SMIM10L3: variants seen among roughly 807,000 people sequenced by gnomAD.
SMIM10L3 encodes small integral membrane protein 10 like 3.
the SMIM10L3 span, among the ~76,000 whole-genome samples, chr7:6,333,772 C>CT: frequency 5.0e-3 from 619 of 125,036 alleles, 3 homozygotes; most frequent in Middle Eastern, 0.013. Context: ...GAACAAGTGT[C>CT]TTTTTTTTTT....
At chr7:6,337,793 CATTA>C in the SMIM10L3 span, among the ~76,000 whole-genome samples, 1 of 142,988 alleles carries the variant, frequency 7.0e-6, no homozygotes, top group South Asian at 2.1e-4. Flanking sequence ...GATTTCAATA[CATTA>C]TTTATTTATT....
chr7:6,332,590 C>A, the SMIM10L3 span, among the ~76,000 whole-genome samples: 5 of 151,822 alleles, frequency 3.3e-5, no homozygotes, highest in Admixed American at 6.6e-5. Context: ...CCCAGATTCT[C>A]AGGAGGCTGA....
chr7:6,337,794 A>ATTATTTATTTAT, the SMIM10L3 span, among the ~76,000 whole-genome samples: 3,453 of 150,548 alleles, frequency 0.023, 75 homozygotes, highest in Middle Eastern at 0.055. Context: ...ATTTCAATAC[A>ATTATTTATTTAT]TTATTTATTT....
the SMIM10L3 span, among the ~76,000 whole-genome samples, chr7:6,340,590 G>A: frequency 1.3e-5 from 2 of 152,184 alleles, no homozygotes; most frequent in Admixed American, 6.6e-5. Flanking sequence ...TCGAAGGAGG[G>A]CAGGTTGACA....
At chr7:6,331,564 T>C in the SMIM10L3 span, among the ~76,000 whole-genome samples, 11 of 152,010 alleles carry the variant, frequency 7.2e-5, no homozygotes, top group Non-Finnish European at 1.5e-4. Context: ...GTATTTTTAA[T>C]AGAGACAAGG....
chr7:6,338,319 G>A, the SMIM10L3 span, among the ~76,000 whole-genome samples: 2 of 152,076 alleles, frequency 1.3e-5, no homozygotes, highest in African/African-American at 2.4e-5. Flanking sequence ...ATGCCTAAGT[G>A]TATACAAAAT....
the SMIM10L3 span, among the ~76,000 whole-genome samples, chr7:6,342,261 T>C: frequency 6.6e-6 from 1 of 151,762 alleles, no homozygotes; most frequent in African/African-American, 2.4e-5. Flanking sequence ...AAACAGTGTC[T>C]AGGCTGGGTG....
At chr7:6,346,978 G>A in the SMIM10L3 span, among the ~76,000 whole-genome samples, 4 of 152,104 alleles carry the variant, frequency 2.6e-5, no homozygotes, top group South Asian at 6.2e-4. Flanking sequence ...TCAGGACTTG[G>A]CCAGCTTTCT....
chr7:6,342,177 TCTTTC>T, the SMIM10L3 span, among the ~76,000 whole-genome samples: 1 of 152,146 alleles, frequency 6.6e-6, no homozygotes, highest in African/African-American at 2.4e-5. Context: ...AGCTTCATTT[TCTTTC>T]CTTTCTTTTT....
chr7:6,343,514 G>C, the SMIM10L3 span, among the ~76,000 whole-genome samples: 7 of 146,192 alleles, frequency 4.8e-5, no homozygotes, highest in East Asian at 2.0e-4. Context: ...GGCATGACTT[G>C]TTAAATTATA....
the SMIM10L3 span, among the ~76,000 whole-genome samples, chr7:6,337,798 T>C: frequency 3.3e-5 from 5 of 151,138 alleles, 1 homozygote; most frequent in African/African-American, 1.2e-4. Flanking sequence ...CAATACATTA[T>C]TTATTTATTT....
At chr7:6,338,507 A>T in the SMIM10L3 span, 2 of 152,148 alleles carry the variant, frequency 1.3e-5, no homozygotes, top group African/African-American at 4.8e-5. Flanking sequence ...CCAGAGGGTA[A>T]ATCTTGCAGC....
At chr7:6,331,124 A>G in the SMIM10L3 span, 1 of 1,613,204 alleles carries the variant, frequency 6.2e-7, no homozygotes, top group African/African-American at 1.3e-5. Context: ...TGTGCCAGGC[A>G]GGTGCCGAGG....
At chr7:6,332,526 C>T in the SMIM10L3 span, among the ~76,000 whole-genome samples, 1 of 151,908 alleles carries the variant, frequency 6.6e-6, no homozygotes, top group Admixed American at 6.6e-5. Context: ...TAAAAAACAC[C>T]ACCACCCTCA....
the SMIM10L3 span, among the ~76,000 whole-genome samples, chr7:6,333,772 C>T: frequency 1.3e-4 from 16 of 125,066 alleles, no homozygotes; most frequent in East Asian, 2.5e-3. Context: ...GAACAAGTGT[C>T]TTTTTTTTTT....
the SMIM10L3 span, among the ~76,000 whole-genome samples, chr7:6,343,034 C>T: frequency 0.011 from 1,190 of 110,432 alleles, 12 homozygotes; most frequent in East Asian, 0.17. Context: ...AAGACGCTTT[C>T]TCAAAAAAAA....
At chr7:6,343,308 C>T in the SMIM10L3 span, among the ~76,000 whole-genome samples, 10 of 148,674 alleles carry the variant, frequency 6.7e-5, no homozygotes, top group South Asian at 2.1e-4. Context: ...ACCTGGGAAG[C>T]GGAGGTTGCA....
chr7:6,339,522 C>T, the SMIM10L3 span, among the ~76,000 whole-genome samples: 5 of 151,532 alleles, frequency 3.3e-5, no homozygotes, highest in East Asian at 1.9e-4. Flanking sequence ...CTCGCTCTGT[C>T]GCCCAGGCTG....
the SMIM10L3 span, among the ~76,000 whole-genome samples, chr7:6,340,406 C>A: frequency 6.6e-6 from 1 of 152,134 alleles, no homozygotes; most frequent in Non-Finnish European, 1.5e-5. Flanking sequence ...CATGTGTGTA[C>A]AGACACAGCC....
Sources: allele counts gnomAD v4.1 joint callset (sites outside exome capture counted in the v4.1 genomes callset), GRCh38; gene constraint gnomAD v4.1.1; transcripts MANE v1.5; gene names NCBI Gene and HGNC (gene_info 2026-07-23, HGNC 2026-07-21).